The following FSHR variants were observed in gnomAD, a reference collection of about 807,000 sequenced individuals.
FSHR encodes the protein follicle-stimulating hormone receptor.
Under a neutral mutation model 52.1 loss-of-function variants are expected in FSHR, and 46 were observed. The observed-to-expected ratio is 0.88, with a 90% CI of 0.70 to 1.13. The LOEUF (loss-of-function observed/expected upper bound fraction) is 1.13. Ranked by LOEUF, FSHR falls within the 50% of genes most tolerant of loss-of-function variation. The probability of loss-of-function intolerance (pLI) is 0.00; values close to 1 mark genes in which losing one functional copy is unlikely to be tolerated. For missense variants in FSHR, 964 were observed against 834.6 expected, an observed-to-expected ratio of 1.16 and a Z score of -1.91; for synonymous variants, 399 against 309.6, an observed-to-expected ratio of 1.29 and a Z score of -3.03.
At chr2:49,141,402 T>C (rs1672682710) in intron 1 of FSHR, among the ~76,000 whole-genome samples, 1 of 152,084 alleles carries the variant, frequency 6.6e-6, no homozygotes, top group South Asian at 2.1e-4. Flanking sequence ...CTTTTACTCA[T>C]AATGAAAGTT....
chr2:48,963,103 C>T lies in FSHR; in HGVS notation c.1718G>A (p.Arg573His), dbSNP rs375475417. The T allele has an allele frequency of 3.1e-5, 50 of 1,613,926 alleles. No individual in the cohort carries two copies. Among genetic ancestry groups the T allele is most frequent in the Middle Eastern group, 1.6e-4 (1 of 6,084 alleles). The change falls in exon 10 of 10, where the codon CGC (arginine) becomes CAC (histidine). Residue 573 changes from arginine (R) to histidine (H), a missense_variant. Physicochemically the swap from Arg to His is conservative, Grantham distance 29. Coordinates refer to ENST00000406846, the MANE Select transcript of FSHR (RefSeq NM_000145.4). The part of the protein sequence containing the change: ...SSSSDTRIAK[R>H]MAMLIFTDFL... ...GTCAGTGAAGATGAGCATGGCCATG[C>T]GCTTGGCGATCCTGGTGTCACTAGA...
intron 2 of FSHR, among the ~76,000 whole-genome samples, chr2:49,033,148 G>A (rs541073011): frequency 1.6e-4 from 25 of 152,310 alleles, no homozygotes; most frequent in African/African-American, 5.8e-4. Context: ...CAATTAGACT[G>A]CAATTGCTGA....
intron 4 of FSHR, among the ~76,000 whole-genome samples, chr2:49,008,263 G>A (rs1195940565): frequency 7.6e-6 from 1 of 130,732 alleles, no homozygotes; most frequent in East Asian, 2.3e-4. Flanking sequence ...ACCTATGAGT[G>A]AGAATATGCG....
chr2:49,128,931 T>C (rs923758673), intron 1 of FSHR, among the ~76,000 whole-genome samples: 3 of 152,064 alleles, frequency 2.0e-5, no homozygotes. Context: ...TTTTAGAAAT[T>C]TTAGACCAGA....
intron 1 of FSHR, among the ~76,000 whole-genome samples, chr2:49,108,384 T>C (rs766773022): frequency 6.6e-6 from 1 of 152,148 alleles, no homozygotes; most frequent in Non-Finnish European, 1.5e-5. Flanking sequence ...CTTTGGTTTC[T>C]CTGGAGAACC....
At chr2:49,048,491 A>T (rs1199836633) in intron 2 of FSHR, among the ~76,000 whole-genome samples, 1 of 152,154 alleles carries the variant, frequency 6.6e-6, no homozygotes, top group African/African-American at 2.4e-5. Flanking sequence ...AGACACTATA[A>T]ATGGGAAACA....
At chr2:48,998,441 G>C (rs1342868115) in intron 4 of FSHR, among the ~76,000 whole-genome samples, 1 of 152,034 alleles carries the variant, frequency 6.6e-6, no homozygotes, top group Non-Finnish European at 1.5e-5. Context: ...TAACCAGTTT[G>C]TTTCTCGTGG....
At chr2:49,064,301 A>T (rs1669424743) in intron 2 of FSHR, among the ~76,000 whole-genome samples, 3 of 151,924 alleles carry the variant, frequency 2.0e-5, no homozygotes, top group Non-Finnish European at 4.4e-5. Flanking sequence ...CTCCACTCCA[A>T]CATTGGGAAA....
chr2:48,963,204 G>A lies in FSHR; in HGVS notation c.1617C>T (p.Val539=), dbSNP rs1218485379. 1 of 1,614,156 alleles carries A rather than the reference G, an allele frequency of 6.2e-7. No homozygotes were observed. The highest frequency in any genetic ancestry group is 8.5e-7 in the Non-Finnish European group (1 of 1,180,024). The stretch of plus-strand genomic sequence containing the variant: ...AGCCACAGATGACCACAAAGGCCAG[G>A]ACATTGAGCACAAGGAGGGACATGA... The part of the protein sequence containing the change: ...LYVMSLLVLN[V]LAFVVICGCY... The change falls in exon 10 of 10, where the codon GTC becomes GTT. Residue 539 remains valine, a synonymous_variant. Coordinates refer to ENST00000406846, the MANE Select transcript of FSHR (RefSeq NM_000145.4).
intron 2 of FSHR, among the ~76,000 whole-genome samples, chr2:49,039,384 G>A (rs976849135): frequency 6.6e-6 from 1 of 152,178 alleles, no homozygotes; most frequent in Non-Finnish European, 1.5e-5. Context: ...ATATCACAGA[G>A]TCCCTTTCAG....
intron 1 of FSHR, among the ~76,000 whole-genome samples, chr2:49,078,295 A>T (rs1318196601): frequency 6.6e-6 from 1 of 152,192 alleles, no homozygotes. Flanking sequence ...AAACCATCCG[A>T]TCTCGTGAGA....
chr2:49,079,033 A>C (rs555321938), intron 1 of FSHR, among the ~76,000 whole-genome samples: 9 of 152,290 alleles, frequency 5.9e-5, no homozygotes, highest in South Asian at 2.1e-4. Flanking sequence ...CTACGACATC[A>C]CTATGACAGC....
At chr2:49,100,283 T>A (rs1670979941) in intron 1 of FSHR, among the ~76,000 whole-genome samples, 1 of 152,262 alleles carries the variant, frequency 6.6e-6, no homozygotes, top group East Asian at 1.9e-4. Context: ...GCTTTCCTGC[T>A]TGTAAGTGTG....
At chr2:49,059,391 A>T (rs1385202163) in intron 2 of FSHR, among the ~76,000 whole-genome samples, 2 of 151,260 alleles carry the variant, frequency 1.3e-5, no homozygotes, top group African/African-American at 2.5e-5. Flanking sequence ...AAGTTATAGT[A>T]ACCAAAACAG....
At chr2:49,064,787 C>T (rs1447165548) in intron 2 of FSHR, among the ~76,000 whole-genome samples, 1 of 152,084 alleles carries the variant, frequency 6.6e-6, no homozygotes, top group Admixed American at 6.6e-5. Flanking sequence ...ACTGTAAATT[C>T]TGAGTACAGT....
chr2:49,043,477 C>G (rs970369706), intron 2 of FSHR, among the ~76,000 whole-genome samples: 2 of 152,140 alleles, frequency 1.3e-5, no homozygotes, highest in East Asian at 1.9e-4. Flanking sequence ...TTCCCATGAG[C>G]CAAACCTAAG....
intron 2 of FSHR, among the ~76,000 whole-genome samples, chr2:49,056,445 AATATATATATATATATATATATATATAT>A (rs70946848): frequency 3.9e-5 from 5 of 128,572 alleles, no homozygotes; most frequent in African/African-American, 9.5e-5. Context: ...TTACAATTGG[AATATATATATATATATATATATATATAT>A]ATATATATAT....
chr2:48,991,520 C>G (rs542975008), intron 4 of FSHR, among the ~76,000 whole-genome samples: 1 of 152,154 alleles, frequency 6.6e-6, no homozygotes, highest in Non-Finnish European at 1.5e-5. Context: ...GGTGTTAATT[C>G]CCCACTTATG....
At chr2:49,079,841 C>T (rs373086192) in intron 1 of FSHR, among the ~76,000 whole-genome samples, 5 of 151,996 alleles carry the variant, frequency 3.3e-5, no homozygotes, top group East Asian at 3.9e-4. Context: ...AAATCCCGCA[C>T]TAAAATTGAA....
Sources: gnomAD v4.1 joint callset for allele counts (sites outside exome capture counted in the v4.1 genomes callset) on GRCh38, gnomAD v4.1.1 for gene constraint, MANE v1.5 for transcripts, NCBI Gene and HGNC (gene_info 2026-07-23, HGNC 2026-07-21) for gene names.